The following LITAF variants were observed in gnomAD, a reference collection of about 807,000 sequenced individuals.
LITAF encodes lipopolysaccharide induced TNF factor.
A neutral mutation model predicts 14.5 loss-of-function variants in LITAF; 9 were observed. The observed-to-expected ratio is 0.62, with a 90% confidence interval of 0.37 to 1.08. The LOEUF (loss-of-function observed/expected upper bound fraction) is 1.08, where lower values mean the gene tolerates loss of function less well. Ranked by LOEUF, LITAF falls within the 50% of genes least tolerant of loss-of-function variation. LITAF has a pLI of 0.01. For synonymous variants in LITAF, 98 were observed against 88.2 expected (o/e 1.11, Z -0.62); for missense variants, 206 against 213.4 (o/e 0.97, Z 0.22).
At chr16:11,570,384 AG>A (rs1285209107) in intron 1 of LITAF, among the ~76,000 whole-genome samples, 1 of 152,194 alleles carries the variant, frequency 6.6e-6, no homozygotes, top group Non-Finnish European at 1.5e-5. Context: ...GAGAGGCAGG[AG>A]GACCCAGGCA....
chr16:11,558,548 G>A lies in LITAF; in HGVS notation c.-5-1813C>T, dbSNP rs933014371. Reference sequence around the variant, plus strand: ...CATAGTGAGACCCTGTCTCTACAACGAATAAAAAAAGTAGCCAGGTGTAGT... The same window carrying A: ...CATAGTGAGACCCTGTCTCTACAACAAATAAAAAAAGTAGCCAGGTGTAGT... On this transcript the variant is annotated intron_variant, in intron 1 of 3. Coordinates refer to ENST00000622633, the MANE Select transcript of LITAF (RefSeq NM_001136472.2). The surrounding 1 kb of genome is among the most constrained non-coding windows in gnomAD (Gnocchi z 4.1). Among the ~76,000 whole-genome samples, 2 of 151,712 alleles carry A rather than the reference G, an allele frequency of 1.3e-5. No individual in the cohort carries two copies. Among genetic ancestry groups the A allele is most frequent in the African/African-American group, 2.4e-5 (1 of 41,282 alleles).
intron 1 of LITAF, among the ~76,000 whole-genome samples, chr16:11,576,689 A>C (rs6498227): frequency 0.011 from 1,737 of 152,084 alleles, 37 homozygotes; most frequent in African/African-American, 0.04. Flanking sequence ...ACAATTTGCT[A>C]CTTCAAAGCC....
At chr16:11,580,971 C>T (rs2064723247) in intron 1 of LITAF, among the ~76,000 whole-genome samples, 2 of 152,116 alleles carry the variant, frequency 1.3e-5, no homozygotes. Flanking sequence ...TGCCATGTTG[C>T]CCAGGCTGGT....
At chr16:11,615,249 T>TC (rs1312697532) in intron 3 of LITAF, among the ~76,000 whole-genome samples, 1 of 151,842 alleles carries the variant, frequency 6.6e-6, no homozygotes, top group Admixed American at 6.6e-5. Flanking sequence ...AGAGGAAAAG[T>TC]AAAGACCTTG....
intron 3 of LITAF, among the ~76,000 whole-genome samples, chr16:11,608,067 C>A (rs1597369576): frequency 6.6e-6 from 1 of 152,194 alleles, no homozygotes; most frequent in African/African-American, 2.4e-5. Flanking sequence ...TAAACTAATG[C>A]CTGCCCCAGT....
At chr16:11,606,729 G>A (rs2064956776) in intron 3 of LITAF, among the ~76,000 whole-genome samples, 2 of 151,726 alleles carry the variant, frequency 1.3e-5, no homozygotes, top group African/African-American at 4.8e-5. Context: ...CTGCCTCCCG[G>A]GTTCAATCGA....
At chr16:11,609,618 T>A (rs544625106) in intron 3 of LITAF, among the ~76,000 whole-genome samples, 1 of 152,320 alleles carries the variant, frequency 6.6e-6, no homozygotes, top group East Asian at 1.9e-4. Context: ...GGATTCAGGC[T>A]GCAGGACTGG....
chr16:11,584,502 A>AT (rs1165737757), intron 1 of LITAF, among the ~76,000 whole-genome samples: 1 of 152,000 alleles, frequency 6.6e-6, no homozygotes, highest in Non-Finnish European at 1.5e-5. Flanking sequence ...CTCTCAGTGG[A>AT]TTTTCCATTT....
At chr16:11,580,863 C>G (rs1219689421) in intron 1 of LITAF, among the ~76,000 whole-genome samples, 1 of 152,198 alleles carries the variant, frequency 6.6e-6, no homozygotes, top group Non-Finnish European at 1.5e-5. Flanking sequence ...CTCCCAGGCT[C>G]AAGCGATCCT....
upstream of LITAF, chr16:11,598,526 G>A (rs904250511): frequency 1.6e-4 from 25 of 152,332 alleles, no homozygotes; most frequent in Admixed American, 1.2e-3. Context: ...AGCGCAGGTA[G>A]GGAGTCGTGC....
intron 3 of LITAF, among the ~76,000 whole-genome samples, chr16:11,625,168 T>G (rs905812352): frequency 6.6e-6 from 1 of 151,946 alleles, no homozygotes; most frequent in Non-Finnish European, 1.5e-5. Context: ...GAGTGAAATT[T>G]GGAGAGTGGA....
intron 3 of LITAF, among the ~76,000 whole-genome samples, chr16:11,629,659 C>T (rs2065106061): frequency 6.6e-6 from 1 of 152,136 alleles, no homozygotes; most frequent in Admixed American, 6.5e-5. Flanking sequence ...GGGGAAGGAG[C>T]TCATGGACTG....
upstream of LITAF, chr16:11,587,189 T>C: frequency 6.8e-6 from 2 of 295,256 alleles, no homozygotes; most frequent in Non-Finnish European, 1.3e-5. Flanking sequence ...TCTCCCCCAC[T>C]CTCCTATCCT....
chr16:11,553,305 G>A lies in LITAF; in HGVS notation c.377+228C>T. ...GCACCCCTATAATCCCAGCTACACG[G>A]GACGCTAAGGCAGGAGAATCGTTTG... On this transcript the variant is annotated intron_variant, in intron 3 of 3. Coordinates refer to ENST00000622633, the MANE Select transcript of LITAF (RefSeq NM_001136472.2). The surrounding 1 kb of genome is among the most constrained non-coding windows in gnomAD (Gnocchi z 7.7). The A allele has an allele frequency of 1.9e-6, 1 of 523,352 alleles. No individual in the cohort carries two copies. The allele number at this position is 523,352 out of a possible 1,614,324, so 32.4% of individuals were successfully genotyped here. A position where few individuals can be genotyped will look rare whatever the true frequency, so the allele number is the denominator to read the frequency against.
intron 1 of LITAF, among the ~76,000 whole-genome samples, chr16:11,572,433 T>C (rs1188922732): frequency 6.6e-6 from 1 of 152,154 alleles, no homozygotes; most frequent in Non-Finnish European, 1.5e-5. Flanking sequence ...CTGAATATCG[T>C]CAGCGAGAAG....
In LITAF at chr16:11,548,204, T is replaced by G. The variant is rs541416009; in HGVS notation, c.*1433A>C. 2.2e-6 allele frequency: 1 copy of G among 454,114 alleles called. No individual in the cohort carries two copies. The highest frequency in any genetic ancestry group is 4.4e-6 in the Non-Finnish European group (1 of 226,796). The allele number at this position is 454,114 out of a possible 1,614,324, so 28.1% of individuals were successfully genotyped here. ...TTATTTCTACATAGTAGTATTCACATGAGTTCCCTATTCTGAAGTATTATC... is the reference window on the plus strand; with the variant it reads ...TTATTTCTACATAGTAGTATTCACAGGAGTTCCCTATTCTGAAGTATTATC... On this transcript the variant is annotated 3_prime_UTR_variant, in exon 4 of 4. Coordinates refer to ENST00000622633, the MANE Select transcript of LITAF (RefSeq NM_001136472.2).
chr16:11,634,175 T>G lies in LITAF; in HGVS notation c.-20-538A>C, dbSNP rs957152556. Among the ~76,000 whole-genome samples, 1 of 152,042 alleles carries G rather than the reference T, an allele frequency of 6.6e-6. No homozygotes were observed. Among genetic ancestry groups the G allele is most frequent in the Admixed American group, 6.6e-5 (1 of 15,256 alleles). On this transcript the variant is annotated intron_variant, in intron 2 of 3. Transcript: ENST00000574848. The surrounding 1 kb of genome is among the most constrained non-coding windows in gnomAD (Gnocchi z 4.1). ...ACAGGTGAGACCATCTTTGCAAAAA[T>G]TATAACAGAAAATTGTGACAGTGAA...
chr16:11,619,377 TG>T (rs1365472353), intron 3 of LITAF, among the ~76,000 whole-genome samples: 4 of 151,572 alleles, frequency 2.6e-5, no homozygotes. Flanking sequence ...CCACATGGCA[TG>T]ATGAGGCAAA....
At chr16:11,614,060 C>T (rs1306272207) in intron 3 of LITAF, among the ~76,000 whole-genome samples, 3 of 152,098 alleles carry the variant, frequency 2.0e-5, no homozygotes, top group African/African-American at 4.8e-5. Flanking sequence ...ATTGTACAGA[C>T]GGGGCAGCTG....
Sources: gnomAD v4.1 joint callset for allele counts (sites outside exome capture counted in the v4.1 genomes callset) on GRCh38, gnomAD v4.1.1 for gene constraint, Gnocchi (gnomAD v3.1) non-coding constraint, MANE v1.5 for transcripts, NCBI Gene and HGNC (gene_info 2026-07-23, HGNC 2026-07-21) for gene names.